The following SLC9B2 variants were observed in gnomAD, a reference collection of about 807,000 sequenced individuals.
SLC9B2 encodes solute carrier family 9 member B2.
A neutral mutation model predicts 52.2 loss-of-function variants in SLC9B2; 39 were observed. The ratio of observed to expected loss-of-function variants is 0.75; its 90% CI spans 0.58 to 0.98. The LOEUF (loss-of-function observed/expected upper bound fraction) is 0.98, where lower values mean the gene tolerates loss of function less well. SLC9B2 is among the 50% of genes least tolerant of loss of function. The pLI, the probability that SLC9B2 is intolerant of heterozygous loss-of-function variation, is 0.00. For synonymous variants in SLC9B2, 214 were observed against 227.0 expected (o/e 0.94, Z 0.51); for missense variants, 626 against 637.5 (o/e 0.98, Z 0.19).
chr4:103,043,467 TTG>T, intron 8 of SLC9B2, 22 bp from the exon 9 acceptor site: 1 of 1,580,502 alleles, frequency 6.3e-7, no homozygotes, highest in South Asian at 1.2e-5. Context: ...AAAAATTCAT[TTG>T]CTCAATTATT....
rs200257087 is a variant in SLC9B2, at chr4:103,036,603, A to G, written c.1147-4795T>C. On this transcript the variant is annotated intron_variant, in intron 9 of 11. Coordinates refer to ENST00000394785, the MANE Select transcript of SLC9B2 (RefSeq NM_178833.7). ...AGAGATACAAATAGTCACAAAATCT[A>G]AGACACTAAAACGGAGTAATTATGA... 7.9e-5 allele frequency among the ~76,000 whole-genome samples: 12 copies of G among 152,292 alleles called. No homozygotes were observed. In the East Asian group the frequency reaches 1.9e-3, roughly 24 times the overall value.
At position 103,047,235 on chromosome 4, in the gene SLC9B2, A is replaced by G. The variant is rs1359647220; in HGVS notation, c.714-9T>C. On this transcript the variant is annotated splice_polypyrimidine_tract_variant and intron_variant, in intron 6 of 11. Transcript: ENST00000394785. Reference sequence around the variant, plus strand: ...CAGCACCTAAAACAAAACTAGGCAGACAGCATTTTAAACATTTATGATAAC... The same window carrying G: ...CAGCACCTAAAACAAAACTAGGCAGGCAGCATTTTAAACATTTATGATAAC... The G allele has an allele frequency of 1.2e-6, 2 of 1,603,002 alleles. No individual in the cohort carries two copies. Among genetic ancestry groups the G allele is most frequent in the Admixed American group, 1.7e-5 (1 of 58,696 alleles).
Position 103,066,393 on chromosome 4 carries a change from C to A in SLC9B2, c.205G>T (p.Val69Leu), listed in dbSNP as rs746783573. 2.5e-6 allele frequency: 4 copies of A among 1,613,964 alleles called. No homozygotes were observed. Among genetic ancestry groups the A allele is most frequent in the Admixed American group, 1.7e-5 (1 of 60,008 alleles). Residue 69 changes from valine to leucine, a missense_variant, in exon 3 of 12, where the codon GTA (valine) becomes TTA (leucine). Transcript: ENST00000394785. Reference protein sequence around the residue: ...LQETPTEANHVQRLRQMLACP... With the variant: ...LQETPTEANHLQRLRQMLACP... ...GCCAGCATTTGTCTCAGTCTTTGTA[C>A]GTGATTTGCTTCAGTTGGTGTTTCT... is the stretch of plus-strand genomic sequence containing the variant.
chr4:103,058,768 T>C (rs1426930927), intron 3 of SLC9B2, among the ~76,000 whole-genome samples: 1 of 151,112 alleles, frequency 6.6e-6, no homozygotes, highest in Non-Finnish European at 1.5e-5. Flanking sequence ...AGCATTTCTA[T>C]AAGAATGTGA....
At chr4:103,066,296 T>C in intron 3 of SLC9B2, 31 bp downstream of exon 3, 1 of 1,589,030 alleles carries the variant, frequency 6.3e-7, no homozygotes, top group South Asian at 1.1e-5. Context: ...CAACTTCATC[T>C]TTTGCCATCT....
At chr4:103,020,146 T>C (rs72941797), downstream of SLC9B2, 304 of 289,440 alleles carry the variant, frequency 1.1e-3, 1 homozygote, top group African/African-American at 6.6e-3. Flanking sequence ...TAAAGGACGC[T>C]GTGGTGGTGG....
At chr4:103,066,586 ACAAAT>A in intron 2 of SLC9B2, 79 bp from the exon 3 acceptor site, 1 of 1,346,798 alleles carries the variant, frequency 7.4e-7, no homozygotes, top group Non-Finnish European at 1.0e-6. Context: ...TCATCACCTT[ACAAAT>A]CAAATTTCTA....
chr4:103,066,483 C>A lies in SLC9B2; in HGVS notation c.115G>T (p.Gly39Cys). The A allele has an allele frequency of 1.9e-6, 3 of 1,613,774 alleles. No individual in the cohort carries two copies. Among genetic ancestry groups the A allele is most frequent in the Non-Finnish European group, 2.5e-6 (3 of 1,179,824 alleles). ...AQEETVMKLK[G>C]IDANEPTEGS... ...TCTGTTGGTTCATTTGCATCTATAC[C>A]TTTGAGCTTCATAACTGTCTCCTCC... The change falls in exon 3 of 12, where the codon GGT becomes TGT. Residue 39 changes from glycine to cysteine, a missense_variant. Gly to Cys is a radical substitution (Grantham distance 159). Coordinates refer to ENST00000394785, the MANE Select transcript of SLC9B2 (RefSeq NM_178833.7).
chr4:103,063,155 GT>G (rs1236978922), intron 3 of SLC9B2, among the ~76,000 whole-genome samples: 2 of 151,862 alleles, frequency 1.3e-5, no homozygotes, highest in Non-Finnish European at 2.9e-5. Context: ...CATTGTAAAC[GT>G]TTTAACTATA....
At chr4:103,033,111 T>C (rs374612609) in intron 9 of SLC9B2, among the ~76,000 whole-genome samples, 3 of 152,126 alleles carry the variant, frequency 2.0e-5, no homozygotes, top group Non-Finnish European at 4.4e-5. Context: ...TAACACATAA[T>C]GCAAAAGACT....
At chr4:103,070,117 G>T (rs1266148590) in intron 1 of SLC9B2, among the ~76,000 whole-genome samples, 1 of 152,178 alleles carries the variant, frequency 6.6e-6, no homozygotes, top group Admixed American at 6.5e-5. Context: ...GTCTTTTAAT[G>T]AGCCCAGTAA....
At chr4:103,048,736 T>C in intron 6 of SLC9B2, 157 bp downstream of exon 6, 2 of 930,790 alleles carry the variant, frequency 2.1e-6, no homozygotes, top group South Asian at 3.7e-5. Flanking sequence ...ACACATAAAC[T>C]ATGTTTTGAA....
In SLC9B2 at chr4:103,026,268, G is replaced by A; in HGVS notation, c.*102C>T. On this transcript the variant is annotated 3_prime_UTR_variant, in exon 12 of 12. Coordinates refer to ENST00000394785, the MANE Select transcript of SLC9B2 (RefSeq NM_178833.7). ...GTTTAAAGAAACAGCTACACTTTTG[G>A]TTCTATTACATTTTAAGCTTAAACA... The A allele has an allele frequency of 3.7e-6, 4 of 1,091,098 alleles. No individual in the cohort carries two copies. The highest frequency in any genetic ancestry group is 2.4e-5 in the Admixed American group (1 of 41,184). The allele number at this position is 1,091,098 out of a possible 1,614,324, so 67.6% of individuals were successfully genotyped here.
rs1017227815 is a variant in SLC9B2 at position 103,023,282 on chromosome 4, C to T, written c.*3088G>A. Among the ~76,000 whole-genome samples the T allele has an allele frequency of 2.6e-5, 4 of 152,108 alleles. No individual in the cohort carries two copies. The highest frequency in any genetic ancestry group is 9.7e-5 in the African/African-American group (4 of 41,418). ...AGACAAGGTTCCTACCCATAGGGAG[C>T]TGATTTAATAAGAGACAAACATGTA... On this transcript the variant is annotated 3_prime_UTR_variant, in exon 12 of 12. Transcript: ENST00000394785.
chr4:103,043,843 C>T (rs1743859890), intron 8 of SLC9B2, among the ~76,000 whole-genome samples: 1 of 152,172 alleles, frequency 6.6e-6, no homozygotes, highest in African/African-American at 2.4e-5. Context: ...GCATTTACAT[C>T]ATAGGGTTTG....
intron 9 of SLC9B2, among the ~76,000 whole-genome samples, chr4:103,039,510 GT>G (rs1743448581): frequency 6.6e-6 from 1 of 152,048 alleles, no homozygotes; most frequent in Non-Finnish European, 1.5e-5. Context: ...CTTTGGTTTG[GT>G]TCCTACAGGA....
intron 1 of SLC9B2, among the ~76,000 whole-genome samples, chr4:103,068,554 ATAAG>A (rs1227684687): frequency 6.6e-6 from 1 of 152,238 alleles, no homozygotes; most frequent in Non-Finnish European, 1.5e-5. Flanking sequence ...AGGATAGTAG[ATAAG>A]TAAGATAGGA....
Position 103,050,296 on chromosome 4 carries a change from T to C in SLC9B2, c.529A>G (p.Arg177Gly). Residue 177 changes from arginine (R) to glycine (G), a missense_variant, in exon 5 of 12, where the codon AGA becomes GGA. Arg to Gly is a moderately radical substitution (Grantham distance 125). Transcript: ENST00000394785. Reference protein sequence around the residue: ...QIKHKWSSSLRSIALSIILVR... With the variant: ...QIKHKWSSSLGSIALSIILVR... ...AGAATGATAGACAGGGCTATGCTTC[T>C]CAAAGAGGAAGACCACTTGTGCTTG... The C allele has an allele frequency of 2.5e-6, 4 of 1,609,970 alleles. No homozygotes were observed. Among genetic ancestry groups the C allele is most frequent in the Non-Finnish European group, 3.4e-6 (4 of 1,178,258 alleles).
chr4:103,060,802 G>GC, intron 3 of SLC9B2, among the ~76,000 whole-genome samples: 1 of 152,070 alleles, frequency 6.6e-6, no homozygotes, highest in Non-Finnish European at 1.5e-5. Context: ...ATCTGAAAAT[G>GC]TTTTTTGAAA....
Sources: gnomAD v4.1 joint callset for allele counts (sites outside exome capture counted in the v4.1 genomes callset) on GRCh38, gnomAD v4.1.1 for gene constraint, MANE v1.5 for transcripts, NCBI Gene and HGNC (gene_info 2026-07-23, HGNC 2026-07-21) for gene names.